WDR44: variants seen among roughly 807,000 people sequenced by gnomAD.
WDR44 encodes the protein WD repeat domain 44.
WDR44 carries 9 observed loss-of-function variants against 65.7 expected under a neutral mutation model. The observed-to-expected ratio is 0.14, with a 90% CI of 0.08 to 0.24. WDR44 has a LOEUF of 0.24. WDR44 is among the 10% of genes least tolerant of loss of function. WDR44 has a pLI of 1.00. For synonymous variants in WDR44, 220 were observed against 235.2 expected (o/e 0.94, Z 0.59); for missense variants, 425 against 670.9 (o/e 0.63, Z 4.05).
chrX:118,402,903 G>A (rs12844639), intron 8 of WDR44, among the ~76,000 whole-genome samples: 29,659 of 111,481 alleles, frequency 0.27, 3,194 homozygotes, highest in African/African-American at 0.39. Flanking sequence ...GTGCTGTGGA[G>A]ATATTACAGT....
At position 118,374,304 on chromosome X, in the gene WDR44, T is replaced by C. The variant is rs766707161; in HGVS notation, c.78-4115T>C. 6.2e-5 allele frequency among the ~76,000 whole-genome samples: 7 copies of C among 112,164 alleles called. No individual in the cohort carries two copies. The South Asian group carries it at 1.5e-3, about 24-fold the overall frequency. On this transcript the variant is annotated intron_variant, in intron 1 of 19. Coordinates refer to ENST00000254029, the MANE Select transcript of WDR44 (RefSeq NM_019045.5). ...GGTTTTTTTTCATCTTGGCACATGA[T>C]ACAAATCATTTTAGCCAACTTTGCA...
intron 12 of WDR44, among the ~76,000 whole-genome samples, chrX:118,425,731 A>G (rs2057150809): frequency 1.8e-5 from 2 of 112,318 alleles, no homozygotes; most frequent in African/African-American, 6.5e-5. Flanking sequence ...GTATGTGCTA[A>G]TGAATGTCAA....
intron 1 of WDR44, among the ~76,000 whole-genome samples, chrX:118,353,616 A>G (rs972798152): frequency 1.8e-5 from 2 of 112,275 alleles, no homozygotes; most frequent in Non-Finnish European, 3.8e-5. Context: ...TTAGGCAGCA[A>G]TTTCCTCATA....
At chrX:118,380,861 T>A (rs1286762679) in intron 2 of WDR44, among the ~76,000 whole-genome samples, 1 of 112,181 alleles carries the variant, frequency 8.9e-6, no homozygotes, top group African/African-American at 3.2e-5. Context: ...AATAGAACTT[T>A]TGCTGAGCTT....
rs183782804 is a variant in WDR44 at position 118,399,241 on chromosome X, C to T, written c.1274+771C>T. On this transcript the variant is annotated intron_variant, in intron 8 of 19. Transcript: ENST00000254029. ...TGTTTTCAGACAAATACACATTAAA[C>T]AATCAAAGCGTATGTTGCAAAAGGA... is the stretch of plus-strand genomic sequence containing the variant. 4.1e-3 allele frequency among the ~76,000 whole-genome samples: 464 copies of T among 112,117 alleles called. 3 individuals are homozygous for T. The highest frequency in any genetic ancestry group is 5.1e-3 in the Non-Finnish European group (272 of 53,224).
At chrX:118,358,376 A>G (rs1290756922) in intron 1 of WDR44, among the ~76,000 whole-genome samples, 1 of 111,866 alleles carries the variant, frequency 8.9e-6, no homozygotes, top group Non-Finnish European at 1.9e-5. Context: ...TCATATAACT[A>G]AAATAGTTTT....
In WDR44 at chrX:118,436,760, G is replaced by A. The variant is rs1365055130; in HGVS notation, c.1910G>A (p.Arg637Gln). Residue 637 changes from arginine (R) to glutamine (Q), a missense_variant, in exon 14 of 20, where the codon CGA becomes CAA. Transcript: ENST00000254029. ...DKTVRLWHIS[R>Q]RECLCCFQHI... ...ACAGTCAGATTATGGCACATTTCTC[G>A]AAGAGAATGCCTTTGCTGTTTTCAA... 7.5e-6 allele frequency: 9 copies of A among 1,198,072 alleles called. No homozygotes were observed. Among genetic ancestry groups the A allele is most frequent in the South Asian group, 1.8e-5 (1 of 55,029 alleles).
At chrX:118,409,708 GTCA>G (rs2056997018) in intron 11 of WDR44, 81 bp downstream of exon 11, 4 of 968,880 alleles carry the variant, frequency 4.1e-6, no homozygotes, top group Non-Finnish European at 5.5e-6. Context: ...TTTTCTGGCA[GTCA>G]TTTGCAGCAA....
intron 3 of WDR44, among the ~76,000 whole-genome samples, chrX:118,387,894 G>A (rs1010960065): frequency 8.9e-6 from 1 of 111,964 alleles, no homozygotes; most frequent in Admixed American, 9.5e-5. Context: ...GCAGTTTACA[G>A]TATCAGGATA....
chrX:118,394,039 A>G lies in WDR44; in HGVS notation c.827-16A>G, dbSNP rs371650274. The stretch of plus-strand genomic sequence containing the variant: ...AAAAAGGGTTGTTATTATTGTTGTT[A>G]TTATTATCATTGCAGTTCCCAAAGA... On this transcript the variant is annotated splice_polypyrimidine_tract_variant and intron_variant, in intron 4 of 19. Coordinates refer to ENST00000254029, the MANE Select transcript of WDR44 (RefSeq NM_019045.5). The G allele has an allele frequency of 1.6e-5, 19 of 1,194,286 alleles. No homozygotes were observed. Among genetic ancestry groups the G allele is most frequent in the South Asian group, 3.6e-5 (2 of 55,787 alleles).
intron 8 of WDR44, among the ~76,000 whole-genome samples, chrX:118,399,471 A>G (rs2056893666): frequency 8.9e-6 from 1 of 111,767 alleles, no homozygotes; most frequent in Non-Finnish European, 1.9e-5. Flanking sequence ...AAATGCAGGC[A>G]TATGATAGCA....
intron 2 of WDR44, chrX:118,386,373 G>T: frequency 2.8e-6 from 1 of 360,209 alleles, no homozygotes; most frequent in Admixed American, 3.1e-5. Flanking sequence ...TTTTCCAGCA[G>T]AAATGCAGTA....
rs561763825 is a variant in WDR44, at chrX:118,360,506, C to G, written c.77+13926C>G. On this transcript the variant is annotated intron_variant, in intron 1 of 19. Transcript: ENST00000254029. ...TTCCTGAGGACCAGACACGTGATTC[C>G]CTGTTTAGACTTAGCACTTCAGTGT... Among the ~76,000 whole-genome samples the G allele has an allele frequency of 5.4e-5, 6 of 111,928 alleles. No homozygotes were observed. The South Asian group carries it at 2.2e-3, about 42-fold the overall frequency.
intron 15 of WDR44, 109 bp from the exon 16 acceptor site, chrX:118,442,135 G>C: frequency 1.6e-6 from 1 of 606,367 alleles, no homozygotes; most frequent in South Asian, 2.7e-5. Context: ...TCGAACTCTT[G>C]GGCTCAAGCA....
intron 1 of WDR44, among the ~76,000 whole-genome samples, chrX:118,372,423 C>T (rs1022451948): frequency 9.0e-6 from 1 of 111,724 alleles, no homozygotes; most frequent in African/African-American, 3.3e-5. Context: ...ACTATCTCTA[C>T]TTTGACATTA....
chrX:118,425,224 T>C lies in WDR44; in HGVS notation c.1738-7557T>C, dbSNP rs1236253372. Among the ~76,000 whole-genome samples the C allele has an allele frequency of 5.4e-5, 6 of 111,870 alleles. No homozygotes were observed. In the East Asian group the frequency reaches 8.4e-4, roughly 16 times the overall value. On this transcript the variant is annotated intron_variant, in intron 12 of 19. Transcript: ENST00000254029. ...AGATGTCGATGCGGGGATCAGAACATATAGGACATTGCAAGGACTTTGGCT... is the reference window on the plus strand; with the variant it reads ...AGATGTCGATGCGGGGATCAGAACACATAGGACATTGCAAGGACTTTGGCT...
At position 118,441,348 on chromosome X, in the gene WDR44, C is replaced by T; in HGVS notation, c.1975-20C>T. On this transcript the variant is annotated intron_variant, in intron 14 of 19. Transcript: ENST00000254029. ...CTTGATGTGGTAAAATGAAAACTTT[C>T]TCTGTTGCCACCTCTTTAGGATGAC... is the stretch of plus-strand genomic sequence containing the variant. 8.5e-7 allele frequency: 1 copy of T among 1,170,780 alleles called. No individual in the cohort carries two copies. The highest frequency in any genetic ancestry group is 1.8e-5 in the African/African-American group (1 of 56,313).
At chrX:118,376,832 G>T in intron 1 of WDR44, among the ~76,000 whole-genome samples, 1 of 109,423 alleles carries the variant, frequency 9.1e-6, no homozygotes, top group Middle Eastern at 4.7e-3. Flanking sequence ...GGCAAACCCC[G>T]TCTCTATACA....
intron 14 of WDR44, 59 bp from the exon 15 acceptor site, chrX:118,441,309 C>A: frequency 9.6e-7 from 1 of 1,036,533 alleles, no homozygotes. Flanking sequence ...ATTTGATTTG[C>A]TAATGAGTTT....
Sources: allele counts gnomAD v4.1 joint callset (sites outside exome capture counted in the v4.1 genomes callset), GRCh38; gene constraint gnomAD v4.1.1; transcripts MANE v1.5; gene names NCBI Gene and HGNC (gene_info 2026-07-23, HGNC 2026-07-21).